NLRP5: variants seen among roughly 807,000 people sequenced by gnomAD.
NLRP5 encodes the protein NACHT, LRR and PYD domains-containing protein 5.
A neutral mutation model predicts 113.1 loss-of-function variants in NLRP5; 93 were observed. The observed-to-expected ratio is 0.82, with a 90% confidence interval of 0.70 to 0.98. The LOEUF (loss-of-function observed/expected upper bound fraction) is 0.98. Ranked by LOEUF, NLRP5 falls within the 50% of genes least tolerant of loss-of-function variation. The probability of loss-of-function intolerance (pLI) is 0.00; values close to 1 mark genes in which losing one functional copy is unlikely to be tolerated. For missense variants in NLRP5, 1,808 were observed against 1,514.3 expected, an observed-to-expected ratio of 1.19 and a Z score of -3.22; for synonymous variants, 751 against 600.7, an observed-to-expected ratio of 1.25 and a Z score of -3.66.
intron 11 of NLRP5, among the ~76,000 whole-genome samples, chr19:56,043,064 T>C (rs1363629903): frequency 6.6e-6 from 1 of 152,322 alleles, no homozygotes; most frequent in Non-Finnish European, 1.5e-5. Context: ...CTGCTATAAA[T>C]ATATGGGTAC....
intron 4 of NLRP5, among the ~76,000 whole-genome samples, chr19:56,017,853 T>C (rs914296468): frequency 6.6e-6 from 1 of 152,178 alleles, no homozygotes; most frequent in Non-Finnish European, 1.5e-5. Flanking sequence ...TCACTCTGTC[T>C]CCCAGGATGG....
At chr19:56,045,081 T>G (rs1227412245) in intron 11 of NLRP5, among the ~76,000 whole-genome samples, 2 of 152,210 alleles carry the variant, frequency 1.3e-5, no homozygotes, top group Admixed American at 1.3e-4. Flanking sequence ...ACACTTGAAT[T>G]ATTTTATCAG....
At chr19:55,991,553 G>T in the NLRP5 span, among the ~76,000 whole-genome samples, 1 of 151,996 alleles carries the variant, frequency 6.6e-6, no homozygotes, top group Non-Finnish European at 1.5e-5. Flanking sequence ...TCTAAATTAT[G>T]CATGTTTTAC....
At chr19:56,025,572 A>AT (rs1245425325) in intron 6 of NLRP5, among the ~76,000 whole-genome samples, 2 of 31,604 alleles carry the variant, frequency 6.3e-5, no homozygotes. Context: ...TGTCTGGCTA[A>AT]CTTTTTTTTT....
chr19:56,002,487 T>C (rs1981692680), intron 1 of NLRP5, among the ~76,000 whole-genome samples: 1 of 151,938 alleles, frequency 6.6e-6, no homozygotes, highest in Non-Finnish European at 1.5e-5. Flanking sequence ...TATTATACTT[T>C]AAGTTTTAGG....
At chr19:56,008,083 C>T (rs1170707948) in intron 2 of NLRP5, among the ~76,000 whole-genome samples, 6 of 134,472 alleles carry the variant, frequency 4.5e-5, no homozygotes, top group African/African-American at 1.1e-4. Flanking sequence ...CGCCCGCCAC[C>T]ACGCCCGGCT....
Position 55,999,785 on chromosome 19 carries a change from T to C in NLRP5, c.60T>C (p.Arg20=), listed in dbSNP as rs1981559175. 1.2e-6 allele frequency: 2 copies of C among 1,612,908 alleles called. No individual in the cohort carries two copies. Among genetic ancestry groups the C allele is most frequent in the African/African-American group, 2.7e-5 (2 of 74,898 alleles). ...CTGCTCTGCTCTCAGCATCACCACG[T>C]GCGTCGACAGCCTCTTAGAGTTACC... Residue 20 remains arginine (R), a splice_region_variant and synonymous_variant, in exon 1 of 15, where the codon CGT becomes CGC. Transcript: ENST00000390649.
chr19:56,056,607 A>G (rs1399986295), intron 13 of NLRP5, among the ~76,000 whole-genome samples: 1 of 152,124 alleles, frequency 6.6e-6, no homozygotes, highest in East Asian at 1.9e-4. Context: ...TGTTAATCAG[A>G]GGTTAGTTTC....
intron 10 of NLRP5, among the ~76,000 whole-genome samples, chr19:56,039,812 G>C (rs142469002): frequency 1.6e-4 from 25 of 152,240 alleles, no homozygotes; most frequent in African/African-American, 5.5e-4. Context: ...TACTCGGGAG[G>C]CTGAGGCAGG....
chr19:56,052,678 C>A (rs545204564), intron 12 of NLRP5, among the ~76,000 whole-genome samples: 1 of 152,172 alleles, frequency 6.6e-6, no homozygotes, highest in Admixed American at 6.5e-5. Flanking sequence ...ACTTGGAGGC[C>A]GTTTCAGTCA....
upstream of NLRP5, among the ~76,000 whole-genome samples, chr19:55,995,678 G>A (rs890929340): frequency 6.6e-6 from 1 of 152,130 alleles, no homozygotes; most frequent in Non-Finnish European, 1.5e-5. Flanking sequence ...ATTGTTTTGG[G>A]TAGGATGGCC....
intron 2 of NLRP5, among the ~76,000 whole-genome samples, chr19:56,005,107 A>AAAAAAAAAAATATATATATATATAT (rs1173746273): frequency 2.1e-5 from 2 of 95,344 alleles, no homozygotes; most frequent in African/African-American, 7.8e-5. Context: ...AAAAAAAAAA[A>AAAAAAAAAAATATATATATATATAT]ATATATATAT....
chr19:56,050,290 A>AG (rs1227462634), intron 11 of NLRP5, 128 bp from the exon 12 acceptor site: 4 of 770,326 alleles, frequency 5.2e-6, no homozygotes, highest in Non-Finnish European at 7.5e-6. Context: ...AAAAAAAAAG[A>AG]AAAAAAAACA....
At chr19:56,004,382 A>G (rs1487563703) in intron 2 of NLRP5, among the ~76,000 whole-genome samples, 3 of 152,202 alleles carry the variant, frequency 2.0e-5, no homozygotes, top group Admixed American at 1.3e-4. Flanking sequence ...CTCTGGCGCT[A>G]TCACGGGTCG....
upstream of NLRP5, among the ~76,000 whole-genome samples, chr19:55,998,301 G>A (rs1373300628): frequency 2.0e-5 from 3 of 152,100 alleles, no homozygotes; most frequent in African/African-American, 7.2e-5. Flanking sequence ...AGGCTATATG[G>A]TGAGCTATGA....
Position 56,058,484 on chromosome 19 carries a change from G to T in NLRP5, c.3470+74G>T, listed in dbSNP as rs1480261949. ...AGGCTTGTTAGCTGGTGGAGAAGCAGTTTATGGGAAAAGTTGACGTCATAC... is the reference window on the plus strand; with the variant it reads ...AGGCTTGTTAGCTGGTGGAGAAGCATTTTATGGGAAAAGTTGACGTCATAC... On this transcript the variant is annotated intron_variant, in intron 14 of 14. Coordinates refer to ENST00000390649, the MANE Select transcript of NLRP5 (RefSeq NM_153447.4). 6.5e-6 allele frequency: 9 copies of T among 1,393,204 alleles called. No individual in the cohort carries two copies. In the African/African-American group the frequency reaches 1.3e-4, roughly 20 times the overall value. 86.3% of individuals were successfully genotyped at this position (1,393,204 alleles called of 1,614,324 possible).
chr19:55,996,385 G>A (rs1182281073), upstream of NLRP5, among the ~76,000 whole-genome samples: 2 of 151,942 alleles, frequency 1.3e-5, no homozygotes, highest in South Asian at 4.2e-4. Flanking sequence ...AAGTTCTAGG[G>A]TACATGTGCA....
intron 13 of NLRP5, among the ~76,000 whole-genome samples, chr19:56,056,552 A>C (rs940530541): frequency 2.6e-5 from 4 of 151,888 alleles, no homozygotes; most frequent in South Asian, 4.2e-4. Flanking sequence ...GCGAGACTCT[A>C]TTTCTAAAAA....
chr19:56,056,821 G>A (rs534253511), intron 13 of NLRP5, among the ~76,000 whole-genome samples: 5 of 152,082 alleles, frequency 3.3e-5, no homozygotes, highest in Non-Finnish European at 7.4e-5. Flanking sequence ...AACTTGAGCT[G>A]CATCTCATTA....
Sources: gnomAD v4.1 joint callset for allele counts (sites outside exome capture counted in the v4.1 genomes callset) on GRCh38, gnomAD v4.1.1 for gene constraint, MANE v1.5 for transcripts, NCBI Gene and HGNC (gene_info 2026-07-23, HGNC 2026-07-21) for gene names.